The following TRAF3IP1 variants were observed in gnomAD, a reference collection of about 807,000 sequenced individuals.
TRAF3IP1 encodes the protein intraflagellar transport 54, also known as TRAF3-interacting protein 1.
TRAF3IP1 carries 53 observed loss-of-function variants against 89.9 expected under a neutral mutation model. That is an observed-to-expected ratio of 0.59 (90% CI 0.47 to 0.74). The LOEUF (loss-of-function observed/expected upper bound fraction) is 0.74, where lower values mean the gene tolerates loss of function less well. TRAF3IP1 is among the 30% of genes least tolerant of loss of function. TRAF3IP1 has a pLI of 0.00. For synonymous variants in TRAF3IP1, 311 were observed against 322.1 expected (o/e 0.97, Z 0.37); for missense variants, 806 against 866.1 (o/e 0.93, Z 0.87).
chr2:238,370,235 G>A (rs927943592), intron 15 of TRAF3IP1, among the ~76,000 whole-genome samples: 27 of 148,334 alleles, frequency 1.8e-4, no homozygotes, highest in Non-Finnish European at 3.5e-4. Context: ...GTGTCTGTAA[G>A]TGTGCATGTG....
chr2:238,339,913 A>G (rs1185550717), intron 8 of TRAF3IP1, among the ~76,000 whole-genome samples: 1 of 152,256 alleles, frequency 6.6e-6, no homozygotes, highest in Non-Finnish European at 1.5e-5. Context: ...TGAAGATAAC[A>G]CAAACCCAGG....
chr2:238,334,294 GTGATCAAAT>G (rs1166490722), intron 7 of TRAF3IP1, among the ~76,000 whole-genome samples: 1 of 152,176 alleles, frequency 6.6e-6, no homozygotes, highest in Non-Finnish European at 1.5e-5. Context: ...TCTAAAAGTT[GTGATCAAAT>G]TTTCATTTTC....
chr2:238,377,413 C>A (rs565244781), intron 15 of TRAF3IP1, among the ~76,000 whole-genome samples: 1 of 151,550 alleles, frequency 6.6e-6, no homozygotes, highest in Admixed American at 6.6e-5. Flanking sequence ...AGGTTCCCCC[C>A]CCACTGTGGG....
chr2:238,363,068 A>C (rs1280463725), intron 15 of TRAF3IP1, among the ~76,000 whole-genome samples: 3 of 152,158 alleles, frequency 2.0e-5, no homozygotes, highest in Admixed American at 1.3e-4. Context: ...TTTTCTTCCC[A>C]AAATTTTGTG....
chr2:238,388,171 T>C (rs1700850792), intron 15 of TRAF3IP1, among the ~76,000 whole-genome samples: 1 of 151,964 alleles, frequency 6.6e-6, no homozygotes, highest in Admixed American at 6.6e-5. Context: ...GGTCAGGAGT[T>C]CAAGACTAGC....
chr2:238,383,842 G>A lies in TRAF3IP1; in HGVS notation c.1690-13617G>A, dbSNP rs530287415. Among the ~76,000 whole-genome samples, 3 of 152,250 alleles carry A rather than the reference G, an allele frequency of 2.0e-5. No individual in the cohort carries two copies. The South Asian group carries it at 6.2e-4, about 32-fold the overall frequency. On this transcript the variant is annotated intron_variant, in intron 15 of 16. Coordinates refer to ENST00000373327, the MANE Select transcript of TRAF3IP1 (RefSeq NM_015650.4). The stretch of plus-strand genomic sequence containing the variant: ...ATTTCTCTTTTTGTGAATTCCTGTT[G>A]TTATTCTTTGCATGGTGTTCTAATT...
chr2:238,333,816 G>C, intron 6 of TRAF3IP1, 144 bp from the exon 7 acceptor site: 1 of 655,182 alleles, frequency 1.5e-6, no homozygotes, highest in Non-Finnish European at 2.7e-6. Context: ...TGAGTCCTTA[G>C]TAGTATTGAG....
At position 238,379,007 on chromosome 2, in the gene TRAF3IP1, G is replaced by A. The variant is rs1464546953; in HGVS notation, c.1690-18452G>A. Among the ~76,000 whole-genome samples the A allele has an allele frequency of 6.6e-6, 1 of 152,202 alleles. No homozygotes were observed. The highest frequency in any genetic ancestry group is 1.5e-5 in the Non-Finnish European group (1 of 68,048). The stretch of plus-strand genomic sequence containing the variant: ...TTTGGTGCCCTCTGTGGGACTCAGC[G>A]TTCGGTCCCCACCTCAGGCAGCCTG... On this transcript the variant is annotated intron_variant, in intron 15 of 16. Coordinates refer to ENST00000373327, the MANE Select transcript of TRAF3IP1 (RefSeq NM_015650.4). The surrounding 1 kb of genome is among the most constrained non-coding windows in gnomAD (Gnocchi z 4.0).
chr2:238,341,789 G>T (rs78027351), intron 8 of TRAF3IP1, among the ~76,000 whole-genome samples: 1 of 152,066 alleles, frequency 6.6e-6, no homozygotes, highest in Admixed American at 6.5e-5. Context: ...GGCAAACTGC[G>T]GCTCAGGAAG....
intron 10 of TRAF3IP1, 41 bp from the exon 11 acceptor site, chr2:238,348,723 G>C (rs200870394): frequency 1.3e-6 from 2 of 1,543,900 alleles, no homozygotes; most frequent in Admixed American, 1.7e-5. Context: ...ATCTATGTGT[G>C]TTTTCCTTTG....
chr2:238,347,300 GAC>G, intron 9 of TRAF3IP1, 153 bp from the exon 10 acceptor site: 1 of 720,430 alleles, frequency 1.4e-6, no homozygotes, highest in East Asian at 2.6e-5. Flanking sequence ...TGGCAATAGG[GAC>G]ATTAGAAAAG....
At chr2:238,361,050 T>C (rs1284532370) in intron 15 of TRAF3IP1, among the ~76,000 whole-genome samples, 6 of 141,344 alleles carry the variant, frequency 4.2e-5, no homozygotes, top group Non-Finnish European at 9.3e-5. Flanking sequence ...TTTAAAAAAC[T>C]TTTTTTTTTT....
intron 15 of TRAF3IP1, among the ~76,000 whole-genome samples, chr2:238,387,697 A>C (rs1441661473): frequency 6.6e-6 from 1 of 152,232 alleles, no homozygotes. Context: ...TCAGTGGCAG[A>C]ATGGATGAAT....
rs1041593617 is a variant in TRAF3IP1, at chr2:238,385,101, C to T, written c.1690-12358C>T. 2.6e-5 allele frequency among the ~76,000 whole-genome samples: 4 copies of T among 151,956 alleles called. No individual in the cohort carries two copies. In the East Asian group the frequency reaches 5.8e-4, roughly 22 times the overall value. ...TGCGATCTCGGCTCACTGCAATCTC[C>T]GCCTCCCGGGTTCATGCCATTCTCC... On this transcript the variant is annotated intron_variant, in intron 15 of 16. Coordinates refer to ENST00000373327, the MANE Select transcript of TRAF3IP1 (RefSeq NM_015650.4).
chr2:238,343,646 C>CTTT (rs34626636), intron 8 of TRAF3IP1, among the ~76,000 whole-genome samples: 24 of 113,460 alleles, frequency 2.1e-4, no homozygotes, highest in African/African-American at 7.7e-4. Context: ...TGTGCTTGGC[C>CTTT]TTTTTTTTTT....
intron 15 of TRAF3IP1, among the ~76,000 whole-genome samples, chr2:238,375,138 G>T (rs111585078): frequency 0.032 from 4,821 of 152,102 alleles, 250 homozygotes; most frequent in African/African-American, 0.11. Flanking sequence ...CTTCAGTTCT[G>T]CCCTGGTCTT....
At chr2:238,382,609 C>T (rs1402167477) in intron 15 of TRAF3IP1, among the ~76,000 whole-genome samples, 3 of 151,920 alleles carry the variant, frequency 2.0e-5, no homozygotes, top group East Asian at 3.9e-4. Flanking sequence ...TTCCTGGGAG[C>T]GGCACGTCTT....
chr2:238,391,160 T>G (rs994168980), intron 15 of TRAF3IP1, among the ~76,000 whole-genome samples: 1 of 152,148 alleles, frequency 6.6e-6, no homozygotes, highest in Admixed American at 6.5e-5. Flanking sequence ...TTTCACCATG[T>G]TGGCCAGGCT....
chr2:238,388,339 C>T (rs992155719), intron 15 of TRAF3IP1, among the ~76,000 whole-genome samples: 1 of 146,456 alleles, frequency 6.8e-6, no homozygotes, highest in Non-Finnish European at 1.5e-5. Context: ...CGCGCCACTG[C>T]ACTCCAGCCT....
Sources: gnomAD v4.1 joint callset for allele counts (sites outside exome capture counted in the v4.1 genomes callset) on GRCh38, gnomAD v4.1.1 for gene constraint, Gnocchi (gnomAD v3.1) non-coding constraint, MANE v1.5 for transcripts, NCBI Gene and HGNC (gene_info 2026-07-23, HGNC 2026-07-21) for gene names.